KCNB2: variants seen among roughly 807,000 people sequenced by gnomAD.
KCNB2 encodes the protein delayed rectifier potassium channel protein.
Under a neutral mutation model 61.5 loss-of-function variants are expected in KCNB2, and 15 were observed. The observed-to-expected ratio is 0.24, with a 90% CI of 0.16 to 0.38. KCNB2 has a LOEUF of 0.38. KCNB2 is among the 10% of genes least tolerant of loss of function. The pLI, the probability that KCNB2 is intolerant of heterozygous loss-of-function variation, is 1.00. For missense variants in KCNB2, 828 were observed against 1,125.2 expected, an observed-to-expected ratio of 0.74 and a Z score of 3.78; for synonymous variants, 457 against 446.0, an observed-to-expected ratio of 1.02 and a Z score of -0.31.
chr8:72,745,789 C>T (rs1808052710), intron 2 of KCNB2, among the ~76,000 whole-genome samples: 1 of 152,086 alleles, frequency 6.6e-6, no homozygotes, highest in Non-Finnish European at 1.5e-5. Flanking sequence ...TTGGAGCTCC[C>T]ACCCTTTAAT....
At chr8:72,662,809 A>G (rs934426529) in intron 2 of KCNB2, among the ~76,000 whole-genome samples, 1 of 152,180 alleles carries the variant, frequency 6.6e-6, no homozygotes, top group Non-Finnish European at 1.5e-5. Context: ...TTTACATTTA[A>G]AAACGAAAGA....
intron 2 of KCNB2, among the ~76,000 whole-genome samples, chr8:72,632,511 T>G (rs2128985076): frequency 6.6e-6 from 1 of 152,278 alleles, no homozygotes; most frequent in Middle Eastern, 3.4e-3. Context: ...ATGCTAATTT[T>G]GTTAACTATA....
At chr8:72,736,047 A>C in intron 2 of KCNB2, among the ~76,000 whole-genome samples, 1 of 152,168 alleles carries the variant, frequency 6.6e-6, no homozygotes, top group East Asian at 1.9e-4. Flanking sequence ...AAATTCCAAC[A>C]ACACTGAAAA....
chr8:72,691,214 G>T (rs1403590262), intron 2 of KCNB2, among the ~76,000 whole-genome samples: 1 of 152,176 alleles, frequency 6.6e-6, no homozygotes, highest in Admixed American at 6.5e-5. Context: ...GGACATCACT[G>T]TACCTCCCTG....
chr8:72,758,892 AT>A (rs1484468224), intron 2 of KCNB2, among the ~76,000 whole-genome samples: 2 of 152,348 alleles, frequency 1.3e-5, no homozygotes, highest in Admixed American at 1.3e-4. Context: ...CTGGTTTGAC[AT>A]TTACTTAAAA....
At chr8:72,558,293 C>A (rs942683493) in intron 1 of KCNB2, among the ~76,000 whole-genome samples, 1 of 152,180 alleles carries the variant, frequency 6.6e-6, no homozygotes, top group Non-Finnish European at 1.5e-5. Context: ...TAAGCTGCAC[C>A]ATGTCAGAGA....
intron 2 of KCNB2, among the ~76,000 whole-genome samples, chr8:72,814,466 A>C (rs1686180676): frequency 6.6e-6 from 1 of 152,204 alleles, no homozygotes; most frequent in East Asian, 1.9e-4. Flanking sequence ...AGTATGTGAG[A>C]GTTCTCTTTG....
At chr8:72,662,654 C>T (rs1585814463) in intron 2 of KCNB2, among the ~76,000 whole-genome samples, 1 of 152,084 alleles carries the variant, frequency 6.6e-6, no homozygotes, top group Admixed American at 6.5e-5. Context: ...ATATTTCATT[C>T]TGCAGTCCTG....
intron 2 of KCNB2, among the ~76,000 whole-genome samples, chr8:72,896,831 C>T (rs140207144): frequency 1.6e-3 from 238 of 152,226 alleles, no homozygotes; most frequent in African/African-American, 5.6e-3. Context: ...ATGAGTCATT[C>T]ATATCTTCAA....
intron 2 of KCNB2, among the ~76,000 whole-genome samples, chr8:72,808,001 A>G (rs1809251041): frequency 6.6e-6 from 1 of 152,204 alleles, no homozygotes; most frequent in Non-Finnish European, 1.5e-5. Context: ...ATATTGCCAG[A>G]ATATCCTACC....
intron 2 of KCNB2, among the ~76,000 whole-genome samples, chr8:72,676,929 C>A (rs1321565598): frequency 6.6e-6 from 1 of 152,122 alleles, no homozygotes; most frequent in African/African-American, 2.4e-5. Context: ...TTCCCCCCAC[C>A]CCTGCCAAAT....
intron 2 of KCNB2, among the ~76,000 whole-genome samples, chr8:72,606,226 T>C (rs1217247529): frequency 6.6e-6 from 1 of 150,650 alleles, no homozygotes; most frequent in South Asian, 2.1e-4. Context: ...TAAACACTTC[T>C]CATAAAATTA....
intron 1 of KCNB2, among the ~76,000 whole-genome samples, chr8:72,562,034 A>T (rs1278755790): frequency 1.3e-5 from 2 of 151,822 alleles, no homozygotes; most frequent in African/African-American, 4.8e-5. Context: ...TGAAAATTTA[A>T]GAAAATGCCT....
chr8:72,826,809 G>A (rs550773045), intron 2 of KCNB2, among the ~76,000 whole-genome samples: 27 of 152,292 alleles, frequency 1.8e-4, no homozygotes, highest in African/African-American at 5.5e-4. Flanking sequence ...AAAATCCAAA[G>A]CACTCTCAGG....
intron 2 of KCNB2, among the ~76,000 whole-genome samples, chr8:72,806,108 C>T (rs1809215083): frequency 6.6e-6 from 1 of 152,102 alleles, no homozygotes; most frequent in Non-Finnish European, 1.5e-5. Context: ...GCCTGTAATC[C>T]TAGCACTTTG....
At chr8:72,613,209 A>G (rs1805567286) in intron 2 of KCNB2, among the ~76,000 whole-genome samples, 1 of 152,200 alleles carries the variant, frequency 6.6e-6, no homozygotes. Flanking sequence ...AGTGAAAACA[A>G]TGGATTTCAA....
At chr8:72,924,240 C>A (rs142179674) in intron 2 of KCNB2, among the ~76,000 whole-genome samples, 1 of 152,266 alleles carries the variant, frequency 6.6e-6, no homozygotes, top group Non-Finnish European at 1.5e-5. Context: ...TAGCTAATTA[C>A]ACCCACCCAT....
intron 2 of KCNB2, among the ~76,000 whole-genome samples, chr8:72,855,982 A>G (rs1286394479): frequency 6.6e-6 from 1 of 152,236 alleles, no homozygotes; most frequent in East Asian, 1.9e-4. Context: ...GATAGTTGTT[A>G]CAGTGAATCG....
Position 72,537,698 on chromosome 8 carries a change from G to T in KCNB2, c.-281G>T. ...TCAGGGATGTAAAGACAGGGGGAAA[G>T]CACGCCGGGAGCTCCAGCCAGCCGG... On this transcript the variant is annotated 5_prime_UTR_variant, in exon 1 of 3. Coordinates refer to ENST00000523207, the MANE Select transcript of KCNB2 (RefSeq NM_004770.3). 1 of 152,656 alleles carries T rather than the reference G, an allele frequency of 6.6e-6. No homozygotes were observed. The highest frequency in any genetic ancestry group is 1.5e-5 in the Non-Finnish European group (1 of 68,386). 9.5% of individuals were successfully genotyped at this position (152,656 alleles called of 1,614,324 possible). A position where few individuals can be genotyped will look rare whatever the true frequency, so the allele number is the denominator to read the frequency against.
Sources: allele counts gnomAD v4.1 joint callset (sites outside exome capture counted in the v4.1 genomes callset), GRCh38; gene constraint gnomAD v4.1.1; transcripts MANE v1.5; gene names NCBI Gene and HGNC (gene_info 2026-07-23, HGNC 2026-07-21).